The following ABR variants were observed in gnomAD, a reference collection of about 807,000 sequenced individuals.
ABR encodes active breakpoint cluster region-related protein.
In ABR, 35 loss-of-function variants were observed where a neutral mutation model predicts 107.2. The ratio of observed to expected loss-of-function variants is 0.33; its 90% confidence interval spans 0.25 to 0.43. ABR has a LOEUF of 0.43. Ranked by LOEUF, ABR falls within the 20% of genes least tolerant of loss-of-function variation. The pLI, the probability that ABR is intolerant of heterozygous loss-of-function variation, is 1.00. For synonymous variants in ABR, 498 were observed against 462.0 expected (o/e 1.08, Z -1.00); for missense variants, 815 against 1,115.2 (o/e 0.73, Z 3.83).
At chr17:1,081,050 G>A (rs974487208) in intron 5 of ABR, among the ~76,000 whole-genome samples, 1 of 152,130 alleles carries the variant, frequency 6.6e-6, no homozygotes, top group Non-Finnish European at 1.5e-5. Context: ...GGGTGTGGGG[G>A]TTTCTGCCTA....
intron 1 of ABR, among the ~76,000 whole-genome samples, chr17:1,169,547 G>T (rs1413933257): frequency 6.6e-6 from 1 of 152,210 alleles, no homozygotes; most frequent in Non-Finnish European, 1.5e-5. Flanking sequence ...GCTCCGCTAA[G>T]GTGTAAGCCC....
rs1358883247 is a variant in ABR, at chr17:1,015,419, A to AG, written c.1792-2256dup. Among the ~76,000 whole-genome samples the AG allele has an allele frequency of 3.3e-5, 3 of 91,456 alleles. No individual in the cohort carries two copies. In the South Asian group the frequency reaches 1.1e-3, roughly 33 times the overall value. 60.0% of individuals were successfully genotyped at this position (91,456 alleles called of 152,430 possible). On this transcript the variant is annotated intron_variant, in intron 16 of 22. Coordinates refer to ENST00000302538, the MANE Select transcript of ABR (RefSeq NM_021962.5). ...GGCGACAGAGTGAGACCCTGTCTCA[A>AG]GAAAAAAAAAAAAAAAGTAAGCCGA...
At chr17:1,196,355 A>C (rs2042565105) in intron 1 of ABR, among the ~76,000 whole-genome samples, 1 of 152,012 alleles carries the variant, frequency 6.6e-6, no homozygotes, top group Non-Finnish European at 1.5e-5. Flanking sequence ...ACTTGAACCC[A>C]GGAGGTGGAG....
chr17:1,204,557 A>G (rs1477817666), intron 1 of ABR, among the ~76,000 whole-genome samples: 1 of 152,100 alleles, frequency 6.6e-6, no homozygotes, highest in East Asian at 1.9e-4. Flanking sequence ...ATAATCCTGT[A>G]TTTTTTCCTG....
At chr17:1,031,295 G>A (rs1000367248) in intron 16 of ABR, among the ~76,000 whole-genome samples, 49 of 152,282 alleles carry the variant, frequency 3.2e-4, no homozygotes, top group African/African-American at 1.1e-3. Flanking sequence ...AGAGGCAGGC[G>A]TCTCCCCGTG....
chr17:1,073,899 C>T (rs549764149), intron 6 of ABR, among the ~76,000 whole-genome samples: 2 of 152,196 alleles, frequency 1.3e-5, no homozygotes, highest in Admixed American at 6.5e-5. Context: ...CTGCTCCCTC[C>T]GCAGCCCTGC....
chr17:1,027,734 A>G lies in ABR; in HGVS notation c.1792-14570T>C, dbSNP rs2072320305. Among the ~76,000 whole-genome samples the G allele has an allele frequency of 6.6e-6, 1 of 151,790 alleles. No homozygotes were observed. Among genetic ancestry groups the G allele is most frequent in the Non-Finnish European group, 1.5e-5 (1 of 67,936 alleles). The stretch of plus-strand genomic sequence containing the variant: ...CACTGTAGTCCCCTGTCTGTGGCTG[A>G]GGGGTCGCTATGGGGGTGTGTGTGA... On this transcript the variant is annotated intron_variant, in intron 16 of 22. Transcript: ENST00000302538. The surrounding 1 kb of genome is among the most constrained non-coding windows in gnomAD (Gnocchi z 4.7).
chr17:1,012,879 C>G (rs922366815), intron 17 of ABR, 82 bp from the exon 18 acceptor site: 1 of 1,246,340 alleles, frequency 8.0e-7, no homozygotes, highest in African/African-American at 1.5e-5. Context: ...GGTCCCCTCC[C>G]CAAGACTGCA....
upstream of ABR, among the ~76,000 whole-genome samples, chr17:1,188,567 G>A (rs749590822): frequency 2.0e-4 from 30 of 149,720 alleles, no homozygotes; most frequent in Non-Finnish European, 4.2e-4. Context: ...AAAAAAAAGA[G>A]GTCACAATAA....
At chr17:1,016,363 C>G (rs557917549) in intron 16 of ABR, among the ~76,000 whole-genome samples, 46 of 148,854 alleles carry the variant, frequency 3.1e-4, no homozygotes, top group African/African-American at 1.1e-3. Context: ...GTCGCCCAGG[C>G]TGGAGTGCAG....
intron 1 of ABR, among the ~76,000 whole-genome samples, chr17:1,218,126 T>C (rs2043048995): frequency 6.6e-6 from 1 of 152,256 alleles, no homozygotes; most frequent in Non-Finnish European, 1.5e-5. Flanking sequence ...TTTTCATTTA[T>C]ACGGAGCTCA....
rs760419374 is a variant in ABR, at chr17:1,012,758, T to C, written c.1891A>G (p.Met631Val). The C allele has an allele frequency of 1.9e-6, 3 of 1,597,802 alleles. No individual in the cohort carries two copies. The highest frequency in any genetic ancestry group is 2.6e-6 in the Non-Finnish European group (3 of 1,171,526). Residue 631 changes from methionine (M) to valine (V), a missense_variant, in exon 18 of 23, where the codon ATG becomes GTG. By Grantham distance (21) the Met-to-Val change is conservative. Around this residue, in one of 5 missense-constraint regions of ABR, gnomAD observed 92 missense variants for 82.3 expected, o/e 1.12. Coordinates refer to ENST00000302538, the MANE Select transcript of ABR (RefSeq NM_021962.5). ...TTGGACGGGGTCCTCTTCAGGCTCATATCTCGGCTGGTGAATTTCATGGAA... is the reference window on the plus strand; with the variant it reads ...TTGGACGGGGTCCTCTTCAGGCTCACATCTCGGCTGGTGAATTTCATGGAA... ...EFSMKFTSRD[M>V]SLKRTPSKKQ...
intron 2 of ABR, among the ~76,000 whole-genome samples, chr17:1,124,405 C>G (rs545243787): frequency 6.6e-6 from 1 of 152,332 alleles, no homozygotes; most frequent in South Asian, 2.1e-4. Context: ...CACACACCCC[C>G]CACAGAGGAC....
intron 1 of ABR, among the ~76,000 whole-genome samples, chr17:1,171,737 G>C (rs1375547498): frequency 6.6e-6 from 1 of 152,150 alleles, no homozygotes; most frequent in Non-Finnish European, 1.5e-5. Flanking sequence ...TTCGAGACCA[G>C]CCTGATCAAC....
At chr17:1,066,760 C>T (rs1378474705) in intron 10 of ABR, among the ~76,000 whole-genome samples, 2 of 152,136 alleles carry the variant, frequency 1.3e-5, no homozygotes, top group Admixed American at 1.3e-4. Context: ...AACTCCTGGC[C>T]TCAGGTGATC....
In ABR at chr17:1,071,044, T is replaced by C. The variant is rs2151176730; in HGVS notation, c.895-954A>G. On this transcript the variant is annotated intron_variant, in intron 8 of 22. Coordinates refer to ENST00000302538, the MANE Select transcript of ABR (RefSeq NM_021962.5). This position sits in a 1 kb window ranked among gnomAD's most constrained non-coding sequence, Gnocchi z 5.1. Reference sequence around the variant, plus strand: ...CAGACATGGTGACGCCTGCCTGTAATCTCAGCTACTTGGGAGGATGAGGCA... The same window carrying C: ...CAGACATGGTGACGCCTGCCTGTAACCTCAGCTACTTGGGAGGATGAGGCA... Among the ~76,000 whole-genome samples, 1 of 152,092 alleles carries C rather than the reference T, an allele frequency of 6.6e-6. No individual in the cohort carries two copies. The highest frequency in any genetic ancestry group is 1.9e-4 in the East Asian group (1 of 5,162).
intron 4 of ABR, among the ~76,000 whole-genome samples, chr17:1,085,874 C>T (rs2036560337): frequency 6.6e-6 from 1 of 152,132 alleles, no homozygotes; most frequent in Non-Finnish European, 1.5e-5. Flanking sequence ...GGGCCAGGCG[C>T]GGTGGCTCAC....
chr17:1,181,492 T>G (rs2042132805), upstream of ABR, among the ~76,000 whole-genome samples: 1 of 152,164 alleles, frequency 6.6e-6, no homozygotes. Flanking sequence ...GCACCAGCGC[T>G]GTCTCTTGCC....
At chr17:1,219,051 T>C (rs1178918091) in intron 1 of ABR, among the ~76,000 whole-genome samples, 2 of 148,712 alleles carry the variant, frequency 1.3e-5, no homozygotes, top group Non-Finnish European at 3.0e-5. Flanking sequence ...GTTTGTTTGT[T>C]TGTTTGTTTG....
Sources: gnomAD v4.1 joint callset for allele counts (sites outside exome capture counted in the v4.1 genomes callset) on GRCh38, gnomAD v4.1.1 for gene constraint, gnomAD v4.1.1 regional missense constraint, Gnocchi (gnomAD v3.1) non-coding constraint, MANE v1.5 for transcripts, NCBI Gene and HGNC (gene_info 2026-07-23, HGNC 2026-07-21) for gene names.